The following TNIK variants were observed in gnomAD, a reference collection of about 807,000 sequenced individuals.
The protein encoded by TNIK is TRAF2 and NCK-interacting protein kinase.
In TNIK, 49 loss-of-function variants were observed where a neutral mutation model predicts 191.3. The observed-to-expected ratio is 0.26, with a 90% CI of 0.20 to 0.32. The LOEUF (loss-of-function observed/expected upper bound fraction) is 0.32. Among genes scored for constraint, TNIK ranks in the 10% least tolerant of loss-of-function variants. The probability of loss-of-function intolerance (pLI) is 1.00; values close to 1 mark genes in which losing one functional copy is unlikely to be tolerated. For synonymous variants in TNIK, 594 were observed against 600.9 expected, an observed-to-expected ratio of 0.99 and a Z score of 0.17; for missense variants, 1,155 against 1,702.3, an observed-to-expected ratio of 0.68 and a Z score of 5.66.
At chr3:171,327,006 G>A (rs1274910711) in intron 2 of TNIK, among the ~76,000 whole-genome samples, 1 of 152,148 alleles carries the variant, frequency 6.6e-6, no homozygotes, top group African/African-American at 2.4e-5. Flanking sequence ...AATGCAAGAA[G>A]CATTGTAAAA....
intron 2 of TNIK, among the ~76,000 whole-genome samples, chr3:171,350,082 G>A (rs193016062): frequency 1.8e-3 from 280 of 151,848 alleles, no homozygotes; most frequent in Middle Eastern, 3.4e-3. Flanking sequence ...TATAGCAAAT[G>A]TTTTTGAGGA....
chr3:171,216,094 A>C (rs1741423346), intron 3 of TNIK, among the ~76,000 whole-genome samples: 1 of 152,200 alleles, frequency 6.6e-6, no homozygotes. Context: ...TCTCACCTTC[A>C]GCATTGACTG....
intron 2 of TNIK, among the ~76,000 whole-genome samples, chr3:171,254,589 C>G (rs569974560): frequency 6.6e-6 from 1 of 152,224 alleles, no homozygotes; most frequent in African/African-American, 2.4e-5. Context: ...TCCTATAAGC[C>G]TCTCTTTGGG....
chr3:171,130,758 G>A (rs1272790347), intron 15 of TNIK, among the ~76,000 whole-genome samples: 3 of 152,092 alleles, frequency 2.0e-5, no homozygotes, highest in East Asian at 1.9e-4. Flanking sequence ...TCATACATAA[G>A]CATCCTTCAG....
At chr3:171,244,062 T>TTTA (rs1315829072) in intron 2 of TNIK, among the ~76,000 whole-genome samples, 2 of 129,954 alleles carry the variant, frequency 1.5e-5, no homozygotes, top group African/African-American at 3.5e-5. Flanking sequence ...CAGAAATAGT[T>TTTA]TTTTTTTTTT....
At chr3:171,221,415 G>A (rs140556421) in intron 3 of TNIK, among the ~76,000 whole-genome samples, 15 of 152,172 alleles carry the variant, frequency 9.9e-5, no homozygotes, top group Middle Eastern at 3.4e-3. Flanking sequence ...AGGTCTACTC[G>A]TCCTGTAGAT....
chr3:171,171,917 A>G (rs1735339814), intron 9 of TNIK, among the ~76,000 whole-genome samples: 1 of 152,104 alleles, frequency 6.6e-6, no homozygotes, highest in African/African-American at 2.4e-5. Context: ...AAAGGTTACA[A>G]CCCTCCCAGA....
chr3:171,138,423 C>T lies in TNIK; in HGVS notation c.1420-44G>A, dbSNP rs998080741. 4.1e-6 allele frequency: 6 copies of T among 1,462,036 alleles called. No individual in the cohort carries two copies. The East Asian group carries it at 7.3e-5, about 18-fold the overall frequency. 90.6% of individuals were successfully genotyped at this position (1,462,036 alleles called of 1,614,324 possible). On this transcript the variant is annotated intron_variant, in intron 14 of 32. Transcript: ENST00000436636. The stretch of plus-strand genomic sequence containing the variant: ...AGGAGCAAAGAAAAGGCCAAATTAT[C>T]ACATAGAAATCATCGGCCAGTACCA...
chr3:171,453,300 G>A (rs1728404135), intron 1 of TNIK, among the ~76,000 whole-genome samples: 1 of 152,188 alleles, frequency 6.6e-6, no homozygotes, highest in Admixed American at 6.5e-5. Context: ...TCAGTTCTGA[G>A]ACAGTCTATG....
chr3:171,203,159 A>C (rs1739624144), intron 4 of TNIK, among the ~76,000 whole-genome samples: 3 of 152,200 alleles, frequency 2.0e-5, no homozygotes, highest in African/African-American at 7.2e-5. Flanking sequence ...CCTAACATTT[A>C]AATGTTAAAA....
intron 2 of TNIK, among the ~76,000 whole-genome samples, chr3:171,276,983 A>T (rs1012600903): frequency 7.2e-5 from 11 of 152,220 alleles, no homozygotes; most frequent in Non-Finnish European, 1.0e-4. Context: ...ATGCAATGGA[A>T]ATGTAATCTC....
At chr3:171,298,439 C>CT (rs1316178126) in intron 2 of TNIK, among the ~76,000 whole-genome samples, 1 of 152,248 alleles carries the variant, frequency 6.6e-6, no homozygotes, top group Non-Finnish European at 1.5e-5. Context: ...AATATTCCCT[C>CT]TGTTCCCTCG....
chr3:171,200,005 T>G (rs1314759782), intron 4 of TNIK, among the ~76,000 whole-genome samples: 1 of 152,250 alleles, frequency 6.6e-6, no homozygotes, highest in Non-Finnish European at 1.5e-5. Flanking sequence ...GGCACATTTT[T>G]CTAAAACCTC....
intron 2 of TNIK, among the ~76,000 whole-genome samples, chr3:171,279,886 C>G (rs1393979695): frequency 6.6e-6 from 1 of 152,150 alleles, no homozygotes; most frequent in Non-Finnish European, 1.5e-5. Flanking sequence ...CACATGTAGT[C>G]TGGTTCTAGA....
chr3:171,135,652 A>C (rs1243199978), intron 15 of TNIK, among the ~76,000 whole-genome samples: 1 of 152,196 alleles, frequency 6.6e-6, no homozygotes, highest in East Asian at 1.9e-4. Flanking sequence ...GTGAAGCCCA[A>C]AGGAAGCACA....
intron 21 of TNIK, among the ~76,000 whole-genome samples, chr3:171,102,362 A>G (rs950551820): frequency 3.9e-5 from 6 of 152,216 alleles, no homozygotes; most frequent in Non-Finnish European, 7.3e-5. Flanking sequence ...TGAATGTGCA[A>G]ATACCAAAAG....
At chr3:171,214,902 T>A (rs1162517793) in intron 3 of TNIK, among the ~76,000 whole-genome samples, 1 of 152,176 alleles carries the variant, frequency 6.6e-6, no homozygotes, top group East Asian at 1.9e-4. Context: ...GAAGATAATA[T>A]TATTTCTCAA....
chr3:171,355,360 G>GAGA (rs1471771131), intron 2 of TNIK, among the ~76,000 whole-genome samples: 26 of 152,332 alleles, frequency 1.7e-4, no homozygotes, highest in African/African-American at 6.3e-4. Flanking sequence ...AAGTTCTGAA[G>GAGA]TATTTGAAGT....
At chr3:171,154,648 T>C (rs1475536730) in intron 12 of TNIK, among the ~76,000 whole-genome samples, 1 of 152,230 alleles carries the variant, frequency 6.6e-6, no homozygotes, top group Non-Finnish European at 1.5e-5. Context: ...GGATCCTAAC[T>C]CCATGATACA....
Sources: allele counts gnomAD v4.1 joint callset (sites outside exome capture counted in the v4.1 genomes callset), GRCh38; gene constraint gnomAD v4.1.1; transcripts MANE v1.5; gene names NCBI Gene and HGNC (gene_info 2026-07-23, HGNC 2026-07-21).